RANBP2: variants seen among roughly 807,000 people sequenced by gnomAD.
The protein encoded by RANBP2 is E3 SUMO-protein ligase RanBP2.
RANBP2 carries 57 observed loss-of-function variants against 303.6 expected under a neutral mutation model. The ratio of observed to expected loss-of-function variants is 0.19; its 90% confidence interval spans 0.15 to 0.23. The LOEUF is 0.23. Ranked by LOEUF, RANBP2 falls within the 10% of genes least tolerant of loss-of-function variation. The pLI, the probability that RANBP2 is intolerant of heterozygous loss-of-function variation, is 1.00. For synonymous variants in RANBP2, 1,167 were observed against 1,301.5 expected (o/e 0.90, Z 2.23); for missense variants, 3,138 against 3,780.8 (o/e 0.83, Z 4.46).
At chr2:109,246,006 C>CA in the RANBP2 span, among the ~76,000 whole-genome samples, 1 of 152,050 alleles carries the variant, frequency 6.6e-6, no homozygotes, top group African/African-American at 2.4e-5. Context: ...TGTGGTGAAA[C>CA]AAAAAAAGAG....
At chr2:109,042,796 C>T in the RANBP2 span, among the ~76,000 whole-genome samples, 1 of 152,216 alleles carries the variant, frequency 6.6e-6, no homozygotes, top group East Asian at 1.9e-4. Flanking sequence ...TAAGTTTACA[C>T]TACCTTTAGA....
At chr2:109,645,044 A>G in the RANBP2 span, among the ~76,000 whole-genome samples, 309 of 152,312 alleles carry the variant, frequency 2.0e-3, 3 homozygotes, top group African/African-American at 7.3e-3. Flanking sequence ...GCCCCCAGCA[A>G]CTATGCCAGG....
chr2:109,545,280 T>C, the RANBP2 span: 3 of 1,417,750 alleles, frequency 2.1e-6, no homozygotes, highest in African/African-American at 2.9e-5. Flanking sequence ...CAGGGATACT[T>C]AAGTGGGAGA....
the RANBP2 span, among the ~76,000 whole-genome samples, chr2:109,515,607 A>G: frequency 0.074 from 11,251 of 152,156 alleles, 816 homozygotes; most frequent in East Asian, 0.23. Flanking sequence ...GGCCATGGCT[A>G]CAGAGACGCT....
At chr2:109,350,228 A>G in the RANBP2 span, among the ~76,000 whole-genome samples, 3 of 152,162 alleles carry the variant, frequency 2.0e-5, no homozygotes, top group African/African-American at 7.2e-5. Flanking sequence ...CAAGTGGGCA[A>G]TGTCACCATG....
At chr2:109,172,354 T>G in the RANBP2 span, among the ~76,000 whole-genome samples, 2 of 152,208 alleles carry the variant, frequency 1.3e-5, no homozygotes, top group African/African-American at 4.8e-5. Context: ...GTCAAACCCC[T>G]CTTCACCATG....
chr2:108,932,793 G>C, the RANBP2 span, among the ~76,000 whole-genome samples: 1 of 152,156 alleles, frequency 6.6e-6, no homozygotes, highest in African/African-American at 2.4e-5. Context: ...ATAAACCGTG[G>C]GGAAAACATT....
At chr2:109,424,837 G>A in the RANBP2 span, among the ~76,000 whole-genome samples, 3 of 152,186 alleles carry the variant, frequency 2.0e-5, no homozygotes, top group Admixed American at 6.5e-5. Flanking sequence ...TTTTAGTAAC[G>A]CTAAGTGACC....
the RANBP2 span, chr2:109,733,028 C>A: frequency 1.7e-6 from 1 of 572,854 alleles, no homozygotes; most frequent in Non-Finnish European, 3.5e-6. Flanking sequence ...GGGTCTTCCA[C>A]CTCGTCGCAG....
the RANBP2 span, among the ~76,000 whole-genome samples, chr2:108,805,595 C>T: frequency 3.3e-5 from 5 of 151,704 alleles, no homozygotes; most frequent in East Asian, 1.9e-4. Context: ...GGCGTGATGG[C>T]GGGCGCCTGT....
At chr2:109,316,288 GGCTGGGTGGAT>G in the RANBP2 span, among the ~76,000 whole-genome samples, 1 of 152,198 alleles carries the variant, frequency 6.6e-6, no homozygotes, top group African/African-American at 2.4e-5. Context: ...CGGTCCAGGA[GGCTGGGTGGAT>G]GCTGGGAAGG....
chr2:108,816,088 C>G, the RANBP2 span: 1 of 1,609,768 alleles, frequency 6.2e-7, no homozygotes, highest in South Asian at 1.1e-5. Context: ...AAATGATATT[C>G]AGGAGAAGTG....
the RANBP2 span, among the ~76,000 whole-genome samples, chr2:109,223,113 G>C: frequency 6.6e-6 from 1 of 152,264 alleles, no homozygotes; most frequent in African/African-American, 2.4e-5. Flanking sequence ...GGGGGAAGCA[G>C]GTGGTTGGAG....
the RANBP2 span, among the ~76,000 whole-genome samples, chr2:109,274,208 A>G: frequency 6.6e-6 from 1 of 152,216 alleles, no homozygotes; most frequent in East Asian, 1.9e-4. Context: ...AACAAACATT[A>G]TGGAGATTTG....
the RANBP2 span, among the ~76,000 whole-genome samples, chr2:109,103,600 C>T: frequency 8.6e-5 from 13 of 152,032 alleles, no homozygotes; most frequent in Admixed American, 3.3e-4. Flanking sequence ...TAAGATAAGG[C>T]GGCGGTTATG....
chr2:109,266,801 A>G, the RANBP2 span, among the ~76,000 whole-genome samples: 1 of 152,132 alleles, frequency 6.6e-6, no homozygotes, highest in Non-Finnish European at 1.5e-5. Flanking sequence ...CATGCATGAG[A>G]GAGCCAGGGA....
chr2:109,374,483 T>A, the RANBP2 span, among the ~76,000 whole-genome samples: 968 of 152,286 alleles, frequency 6.4e-3, 10 homozygotes, highest in East Asian at 0.049. Context: ...CCAAACTGCT[T>A]CCCTCTGGGA....
the RANBP2 span, among the ~76,000 whole-genome samples, chr2:108,996,202 G>A: frequency 1.3e-5 from 2 of 152,208 alleles, no homozygotes; most frequent in African/African-American, 4.8e-5. Context: ...AGTGGGGATA[G>A]GTGCCAGGCT....
At chr2:109,225,494 GC>G in the RANBP2 span, among the ~76,000 whole-genome samples, 1 of 152,222 alleles carries the variant, frequency 6.6e-6, no homozygotes, top group African/African-American at 2.4e-5. Flanking sequence ...GACTGGGTGG[GC>G]TGACCCACCT....
Sources: allele counts gnomAD v4.1 joint callset (sites outside exome capture counted in the v4.1 genomes callset), GRCh38; gene constraint gnomAD v4.1.1; transcripts MANE v1.5; gene names NCBI Gene and HGNC (gene_info 2026-07-23, HGNC 2026-07-21).